Variants in TASP1 observed in about 807,000 individuals in gnomAD.
TASP1 encodes threonine aspartase 1.
A neutral mutation model predicts 56.6 loss-of-function variants in TASP1; 16 were observed. That is an observed-to-expected ratio of 0.28 (90% CI 0.19 to 0.43). The LOEUF (loss-of-function observed/expected upper bound fraction) is 0.43, where lower values mean the gene tolerates loss of function less well. TASP1 is among the 20% of genes least tolerant of loss of function. The pLI, the probability that TASP1 is intolerant of heterozygous loss-of-function variation, is 1.00. For missense variants in TASP1, 393 were observed against 511.6 expected, an observed-to-expected ratio of 0.77 and a Z score of 2.24; for synonymous variants, 179 against 184.2, an observed-to-expected ratio of 0.97 and a Z score of 0.23.
At chr20:13,627,733 T>TAAAAAAAAAAAAAAAA (rs35542097) in intron 2 of TASP1, among the ~76,000 whole-genome samples, 2 of 119,520 alleles carry the variant, frequency 1.7e-5, no homozygotes, top group African/African-American at 7.9e-5. Context: ...AACTTAGTCT[T>TAAAAAAAAAAAAAAAA]AAAAAAAAAA....
At chr20:13,416,960 T>G (rs770914096) in intron 13 of TASP1, among the ~76,000 whole-genome samples, 8 of 152,190 alleles carry the variant, frequency 5.3e-5, no homozygotes, top group Non-Finnish European at 8.8e-5. Context: ...GGTCAGGGCA[T>G]GACAGAACAC....
chr20:13,412,611 G>C (rs562349803), intron 13 of TASP1, among the ~76,000 whole-genome samples: 1 of 152,248 alleles, frequency 6.6e-6, no homozygotes, highest in East Asian at 1.9e-4. Flanking sequence ...CTTTATGTGA[G>C]AGGTAAGTTT....
At chr20:13,617,965 C>T (rs1226685000) in intron 4 of TASP1, among the ~76,000 whole-genome samples, 1 of 152,024 alleles carries the variant, frequency 6.6e-6, no homozygotes, top group Non-Finnish European at 1.5e-5. Flanking sequence ...CTGAGGCACA[C>T]AGACAATTCC....
the TASP1 span, chr20:13,154,238 G>A: frequency 6.8e-7 from 1 of 1,472,890 alleles, no homozygotes. Context: ...AATGGGGTGA[G>A]TGAGTTCAGA....
At chr20:13,493,643 C>A (rs1321324593) in intron 10 of TASP1, among the ~76,000 whole-genome samples, 1 of 152,136 alleles carries the variant, frequency 6.6e-6, no homozygotes, top group Non-Finnish European at 1.5e-5. Context: ...GACTGAGCCA[C>A]TACTGGATTC....
At chr20:13,251,171 C>T in the TASP1 span, among the ~76,000 whole-genome samples, 3 of 152,148 alleles carry the variant, frequency 2.0e-5, no homozygotes, top group East Asian at 1.9e-4. Flanking sequence ...ATTTCTTTCA[C>T]CCAGTAGTTG....
At chr20:13,143,050 T>TA in the TASP1 span, among the ~76,000 whole-genome samples, 6 of 152,228 alleles carry the variant, frequency 3.9e-5, no homozygotes, top group African/African-American at 1.2e-4. Context: ...AGGAGGACTT[T>TA]ATGTAGTTAA....
At chr20:13,614,929 C>T in intron 4 of TASP1, 1 of 426,232 alleles carries the variant, frequency 2.3e-6, no homozygotes. Flanking sequence ...CCAAATTTGG[C>T]AGCCACTTAT....
the TASP1 span, among the ~76,000 whole-genome samples, chr20:13,359,833 T>C: frequency 6.6e-6 from 1 of 151,694 alleles, no homozygotes; most frequent in Non-Finnish European, 1.5e-5. Context: ...ATCCTCCTCT[T>C]CTATCCCCCA....
chr20:13,462,240 C>T (rs1258095117), intron 11 of TASP1, among the ~76,000 whole-genome samples: 1 of 152,158 alleles, frequency 6.6e-6, no homozygotes, highest in East Asian at 1.9e-4. Flanking sequence ...TTAAAAGCCA[C>T]TGCACTTGTA....
At chr20:13,248,812 C>G in the TASP1 span, among the ~76,000 whole-genome samples, 55 of 152,126 alleles carry the variant, frequency 3.6e-4, no homozygotes, top group Non-Finnish European at 2.1e-4. Flanking sequence ...GCGGGGGAAG[C>G]CAGTGGAATA....
chr20:13,354,807 A>G, the TASP1 span, among the ~76,000 whole-genome samples: 176 of 149,146 alleles, frequency 1.2e-3, 1 homozygote, highest in African/African-American at 3.9e-3. Context: ...GTCTTTAGAG[A>G]AAAAAAAAAC....
intron 8 of TASP1, among the ~76,000 whole-genome samples, chr20:13,553,737 C>T (rs2046059169): frequency 1.3e-5 from 2 of 152,070 alleles, no homozygotes; most frequent in Admixed American, 1.3e-4. Flanking sequence ...TTTGTATTAA[C>T]AAGGGATATG....
chr20:13,637,175 C>T (rs2049340198), intron 1 of TASP1, among the ~76,000 whole-genome samples: 1 of 152,174 alleles, frequency 6.6e-6, no homozygotes, highest in Non-Finnish European at 1.5e-5. Flanking sequence ...CAGGGAAATG[C>T]AAATCAACAC....
chr20:13,452,569 T>C (rs2043665530), intron 11 of TASP1, among the ~76,000 whole-genome samples: 2 of 152,100 alleles, frequency 1.3e-5, no homozygotes, highest in Non-Finnish European at 1.5e-5. Context: ...AATATGTACA[T>C]CTCACTAGAA....
At chr20:13,384,256 C>A in the TASP1 span, among the ~76,000 whole-genome samples, 1 of 152,204 alleles carries the variant, frequency 6.6e-6, no homozygotes, top group Non-Finnish European at 1.5e-5. Flanking sequence ...GGCAAAGAAA[C>A]TCCCACCCAC....
chr20:13,136,357 G>A, the TASP1 span, among the ~76,000 whole-genome samples: 2 of 151,998 alleles, frequency 1.3e-5, no homozygotes, highest in Admixed American at 6.6e-5. Context: ...AGCACTTTGC[G>A]AGGCCAAGGC....
At chr20:13,417,151 C>T (rs1600725417) in intron 13 of TASP1, among the ~76,000 whole-genome samples, 3 of 152,304 alleles carry the variant, frequency 2.0e-5, no homozygotes, top group African/African-American at 7.2e-5. Flanking sequence ...TCCCAAACCC[C>T]AGTTTCCTCT....
intron 11 of TASP1, among the ~76,000 whole-genome samples, chr20:13,475,008 T>C (rs2044669956): frequency 6.6e-6 from 1 of 152,118 alleles, no homozygotes; most frequent in Admixed American, 6.6e-5. Context: ...AAAAAGAATA[T>C]ATGTAACACA....
Sources: gnomAD v4.1 joint callset for allele counts (sites outside exome capture counted in the v4.1 genomes callset) on GRCh38, gnomAD v4.1.1 for gene constraint, MANE v1.5 for transcripts, NCBI Gene and HGNC (gene_info 2026-07-23, HGNC 2026-07-21) for gene names.